Variants in RPS6KA3 observed in about 807,000 individuals in gnomAD.
The protein encoded by RPS6KA3 is ribosomal protein S6 kinase A3, also known as ribosomal protein S6 kinase alpha-3.
A neutral mutation model predicts 67.2 loss-of-function variants in RPS6KA3; 4 were observed. The observed-to-expected ratio is 0.06, with a 90% CI of 0.03 to 0.14. The LOEUF is 0.14. Ranked by LOEUF, RPS6KA3 falls within the 10% of genes least tolerant of loss-of-function variation. The pLI is 1.00. For synonymous variants in RPS6KA3, 182 were observed against 183.7 expected, an observed-to-expected ratio of 0.99 and a Z score of 0.07; for missense variants, 204 against 559.0, an observed-to-expected ratio of 0.36 and a Z score of 6.40.
intron 18 of RPS6KA3, among the ~76,000 whole-genome samples, 187 bp from the exon 19 acceptor site, chrX:20,163,227 A>T (rs1344816220): frequency 8.9e-6 from 1 of 112,152 alleles, no homozygotes; most frequent in Admixed American, 9.5e-5. Context: ...CATAAATTTA[A>T]TTTTGGTATT....
chrX:20,215,229 G>A (rs2068821023), intron 2 of RPS6KA3, among the ~76,000 whole-genome samples: 1 of 110,900 alleles, frequency 9.0e-6, no homozygotes. Context: ...GTGTGTGTGT[G>A]TGTATGTGTG....
intron 9 of RPS6KA3, among the ~76,000 whole-genome samples, chrX:20,187,040 G>A (rs1471258044): frequency 9.1e-6 from 1 of 110,334 alleles, no homozygotes; most frequent in African/African-American, 3.3e-5. Flanking sequence ...TCACCATGTT[G>A]TCCAGGCTGG....
At chrX:20,177,291 T>C (rs961641286) in intron 10 of RPS6KA3, among the ~76,000 whole-genome samples, 12 of 112,402 alleles carry the variant, frequency 1.1e-4, no homozygotes, top group Non-Finnish European at 1.7e-4. Flanking sequence ...ATCCAGGATA[T>C]TGACATGGAG....
chrX:20,188,485 T>C lies in RPS6KA3; in HGVS notation c.631+12A>G. The C allele has an allele frequency of 1.3e-6, 1 of 770,098 alleles. No homozygotes were observed. The highest frequency in any genetic ancestry group is 1.9e-6 in the Non-Finnish European group (1 of 535,681). The allele number at this position is 770,098 out of a possible 1,213,427, so 63.5% of individuals were successfully genotyped here. ...AGAAAATATTTTAATAAAACGAGGA[T>C]TTTTTTTTTACCTGTTAACTTGATG... On this transcript the variant is annotated intron_variant, in intron 8 of 21. Transcript: ENST00000379565.
intron 1 of RPS6KA3, among the ~76,000 whole-genome samples, chrX:20,246,682 A>C (rs1276046309): frequency 8.9e-6 from 1 of 112,087 alleles, no homozygotes; most frequent in Non-Finnish European, 1.9e-5. Context: ...TCTGTAAGAC[A>C]AGTGATGCTA....
intron 11 of RPS6KA3, among the ~76,000 whole-genome samples, chrX:20,176,720 T>C (rs2067709438): frequency 9.0e-6 from 1 of 110,659 alleles, no homozygotes; most frequent in Non-Finnish European, 1.9e-5. Context: ...ACTTCCTGAG[T>C]AGCTGGGACT....
At chrX:20,214,844 T>TC (rs2068808219) in intron 2 of RPS6KA3, among the ~76,000 whole-genome samples, 2 of 103,656 alleles carry the variant, frequency 1.9e-5, no homozygotes, top group South Asian at 8.9e-4. Flanking sequence ...TTTTTTTCTT[T>TC]TTTTTTTTTT....
At chrX:20,203,977 G>C in intron 4 of RPS6KA3, 45 bp downstream of exon 4, 1 of 990,779 alleles carries the variant, frequency 1.0e-6, no homozygotes, top group South Asian at 1.9e-5. Flanking sequence ...AGACCTTTCA[G>C]TTTGTTTAGA....
rs1391768104 is a variant in RPS6KA3, at chrX:20,150,183, A to C, written c.*5215T>G. 1.8e-5 allele frequency: 2 copies of C among 113,748 alleles called. No individual in the cohort carries two copies. Among genetic ancestry groups the C allele is most frequent in the Admixed American group, 9.3e-5 (1 of 10,796 alleles). The allele number at this position is 113,748 out of a possible 1,213,427, so 9.4% of individuals were successfully genotyped here. A position where few individuals can be genotyped will look rare whatever the true frequency, so the allele number is the denominator to read the frequency against. ...CATCTGATGCGATTTAACCACCAAC[A>C]AAAGGTACAATATGTAAGAATTCAT... is the stretch of plus-strand genomic sequence containing the variant. On this transcript the variant is annotated 3_prime_UTR_variant, in exon 22 of 22. Coordinates refer to ENST00000379565, the MANE Select transcript of RPS6KA3 (RefSeq NM_004586.3).
rs980055137 is a variant in RPS6KA3 at position 20,164,954 on chromosome X, G to A, written c.1709C>T (p.Ala570Val). 1 of 1,207,067 alleles carries A rather than the reference G, an allele frequency of 8.3e-7. No individual in the cohort carries two copies. Among genetic ancestry groups the A allele is most frequent in the Non-Finnish European group, 1.1e-6 (1 of 891,461 alleles). The change falls in exon 18 of 22, where the codon GCG becomes GTG. Residue 570 changes from alanine to valine, a missense_variant. Transcript: ENST00000379565. The stretch of plus-strand genomic sequence containing the variant: ...AGGAGTCATGAGAAGACCATTTTCC[G>A]CTCTCAGCTGTTTTGCAAAGCCAAA... Reference protein sequence around the residue: ...CDFGFAKQLRAENGLLMTPCY... With the variant: ...CDFGFAKQLRVENGLLMTPCY...
Position 20,264,037 on chromosome X carries a change from A to G in RPS6KA3, c.69+2527T>C, listed in dbSNP as rs185660325. Among the ~76,000 whole-genome samples, 190 of 112,465 alleles carry G rather than the reference A, an allele frequency of 1.7e-3. 2 individuals are homozygous for G. The highest frequency in any genetic ancestry group is 2.9e-3 in the Non-Finnish European group (155 of 53,247). Reference sequence around the variant, plus strand: ...CTACTGGGGGAGGAAACGGTATAATAGTGAAAATATTAGACCTCTGAGTGG... The same window carrying G: ...CTACTGGGGGAGGAAACGGTATAATGGTGAAAATATTAGACCTCTGAGTGG... On this transcript the variant is annotated intron_variant, in intron 1 of 21. Coordinates refer to ENST00000379565, the MANE Select transcript of RPS6KA3 (RefSeq NM_004586.3).
At chrX:20,156,384 T>C (rs1485607238) in intron 20 of RPS6KA3, 135 bp from the exon 21 acceptor site, 2 of 665,712 alleles carry the variant, frequency 3.0e-6, no homozygotes. Flanking sequence ...GTCAACATGG[T>C]AATTTGGGGG....
chrX:20,263,977 G>A (rs976400221), intron 1 of RPS6KA3, among the ~76,000 whole-genome samples: 1 of 111,664 alleles, frequency 9.0e-6, no homozygotes, highest in Non-Finnish European at 1.9e-5. Flanking sequence ...AAAAAACTAT[G>A]TTACTCTGGT....
rs35947983 is a variant in RPS6KA3, at chrX:20,256,172, C to CAAAA, written c.69+10388_69+10391dup. ...TGGGTGACAGAGTGAGACACCGTCT[C>CAAAA]AAAAAAAAAAAAAAAAAAAAAAAAA... On this transcript the variant is annotated intron_variant, in intron 1 of 21. Transcript: ENST00000379565. 3.7e-3 allele frequency among the ~76,000 whole-genome samples: 53 copies of CAAAA among 14,452 alleles called. 7 individuals are homozygous for CAAAA. The highest frequency in any genetic ancestry group is 7.7e-3 in the African/African-American group (33 of 4,288). The allele number at this position is 14,452 out of a possible 115,157, so 12.5% of individuals were successfully genotyped here. A position where few individuals can be genotyped will look rare whatever the true frequency, so the allele number is the denominator to read the frequency against.
intron 1 of RPS6KA3, among the ~76,000 whole-genome samples, chrX:20,257,816 T>C (rs184118574): frequency 8.9e-6 from 1 of 111,937 alleles, no homozygotes; most frequent in Admixed American, 9.5e-5. Flanking sequence ...AGGAAACTTG[T>C]AATTACAACA....
intron 2 of RPS6KA3, among the ~76,000 whole-genome samples, chrX:20,231,370 T>A (rs1055986788): frequency 1.1e-4 from 12 of 111,997 alleles, no homozygotes; most frequent in African/African-American, 3.9e-4. Context: ...ATCTGTAAAT[T>A]TAAGGCAATT....
intron 2 of RPS6KA3, chrX:20,218,838 T>C (rs950382060): frequency 8.3e-7 from 1 of 1,199,221 alleles, no homozygotes; most frequent in Non-Finnish European, 1.1e-6. Flanking sequence ...AATTTAAACA[T>C]GGCTACGAAA....
chrX:20,156,909 T>A (rs144593721), intron 20 of RPS6KA3, among the ~76,000 whole-genome samples: 2,218 of 109,951 alleles, frequency 0.02, 26 homozygotes, highest in Non-Finnish European at 0.03. Context: ...AAAAAAAACA[T>A]GAATGTCCAA....
chrX:20,202,447 T>G (rs2068465774), intron 4 of RPS6KA3, among the ~76,000 whole-genome samples: 1 of 111,817 alleles, frequency 8.9e-6, no homozygotes, highest in Non-Finnish European at 1.9e-5. Flanking sequence ...CTCCCCCCAA[T>G]AACACACTAA....
Sources: allele counts gnomAD v4.1 joint callset (sites outside exome capture counted in the v4.1 genomes callset), GRCh38; gene constraint gnomAD v4.1.1; transcripts MANE v1.5; gene names NCBI Gene and HGNC (gene_info 2026-07-23, HGNC 2026-07-21).